The following KCNJ15 variants were observed in gnomAD, a reference collection of about 807,000 sequenced individuals.
KCNJ15 encodes the protein ATP-sensitive inward rectifier potassium channel 15.
Under a neutral mutation model 23.0 loss-of-function variants are expected in KCNJ15, and 14 were observed. That is an observed-to-expected ratio of 0.61 (90% CI 0.40 to 0.95). KCNJ15 has a LOEUF of 0.95. KCNJ15 is among the 40% of genes least tolerant of loss of function. KCNJ15 has a pLI of 0.00. For missense variants in KCNJ15, 388 were observed against 461.8 expected (o/e 0.84, Z 1.46); for synonymous variants, 185 against 183.2 (o/e 1.01, Z -0.08).
chr21:38,283,156 A>ATTTCC (rs1983534502), intron 1 of KCNJ15, among the ~76,000 whole-genome samples: 1 of 151,808 alleles, frequency 6.6e-6, no homozygotes, highest in Admixed American at 6.5e-5. Context: ...CTCTGAGAGT[A>ATTTCC]AATGATTTCA....
intron 1 of KCNJ15, among the ~76,000 whole-genome samples, chr21:38,239,221 T>G (rs1452544095): frequency 6.6e-6 from 1 of 152,218 alleles, no homozygotes; most frequent in African/African-American, 2.4e-5. Flanking sequence ...CAACCAGAAA[T>G]CTCTTTGATT....
chr21:38,243,246 T>C (rs1425802382), intron 1 of KCNJ15, among the ~76,000 whole-genome samples: 1 of 152,214 alleles, frequency 6.6e-6, no homozygotes, highest in Admixed American at 6.5e-5. Flanking sequence ...CATCTGTTTA[T>C]TTCCTGAAAT....
At chr21:38,230,040 C>T (rs1250025736) in intron 1 of KCNJ15, among the ~76,000 whole-genome samples, 2 of 152,070 alleles carry the variant, frequency 1.3e-5, no homozygotes, top group Non-Finnish European at 2.9e-5. Context: ...TTTTATTTCT[C>T]TTGGGTATAT....
chr21:38,281,570 G>C (rs1374621977), intron 1 of KCNJ15, among the ~76,000 whole-genome samples: 1 of 152,202 alleles, frequency 6.6e-6, no homozygotes, highest in Non-Finnish European at 1.5e-5. Flanking sequence ...ATGGTCTCCA[G>C]CTCCATCCAT....
At chr21:38,266,911 G>C (rs1026961361) in intron 1 of KCNJ15, among the ~76,000 whole-genome samples, 3 of 152,234 alleles carry the variant, frequency 2.0e-5, no homozygotes, top group African/African-American at 7.2e-5. Context: ...GCTGCAGGAG[G>C]TGGGAGTTAA....
At chr21:38,246,200 C>T (rs1222398741) in intron 1 of KCNJ15, among the ~76,000 whole-genome samples, 4 of 152,282 alleles carry the variant, frequency 2.6e-5, no homozygotes, top group South Asian at 2.1e-4. Context: ...AGAGCTAAAA[C>T]GAATCATGTA....
intron 1 of KCNJ15, among the ~76,000 whole-genome samples, chr21:38,244,366 A>G (rs1979223351): frequency 6.6e-6 from 1 of 152,150 alleles, no homozygotes; most frequent in Non-Finnish European, 1.5e-5. Context: ...TTCAAGCTCT[A>G]AAAATACCAG....
chr21:38,260,507 T>A (rs536362480), intron 1 of KCNJ15, among the ~76,000 whole-genome samples: 2 of 152,208 alleles, frequency 1.3e-5, no homozygotes, highest in Non-Finnish European at 2.9e-5. Context: ...CCAATTTGAA[T>A]CCAGAAGTTC....
chr21:38,247,050 ATGGGTG>A (rs1979423092), intron 1 of KCNJ15, among the ~76,000 whole-genome samples: 1 of 151,350 alleles, frequency 6.6e-6, no homozygotes. Context: ...GGATGGATGG[ATGGGTG>A]AATGGATGGA....
chr21:38,258,061 C>T (rs187173649), intron 1 of KCNJ15, among the ~76,000 whole-genome samples: 3 of 151,738 alleles, frequency 2.0e-5, no homozygotes, highest in Admixed American at 1.3e-4. Context: ...TCCCCTTTAC[C>T]TGTAAGAGGG....
intron 1 of KCNJ15, among the ~76,000 whole-genome samples, chr21:38,275,047 A>T (rs892537283): frequency 6.6e-5 from 10 of 152,050 alleles, no homozygotes; most frequent in Non-Finnish European, 1.5e-4. Context: ...TCTGCTTTTC[A>T]TCCAAATCTT....
rs577740399 is a variant in KCNJ15 at position 38,279,995 on chromosome 21, G to A, written c.-116-16931G>A. Among the ~76,000 whole-genome samples, 1,036 of 152,236 alleles carry A rather than the reference G, an allele frequency of 6.8e-3. 6 individuals are homozygous for A. Among genetic ancestry groups the A allele is most frequent in the Non-Finnish European group, 0.011 (770 of 68,010 alleles). On this transcript the variant is annotated intron_variant, in intron 1 of 2. Coordinates refer to ENST00000398938, the MANE Select transcript of KCNJ15 (RefSeq NM_170736.3). ...ATCCAAGGAAGACCACTGGGAATTG[G>A]CCAACTAGGTTTAAACTGGGGAACA...
chr21:38,261,035 C>T (rs1024039699), intron 1 of KCNJ15, among the ~76,000 whole-genome samples: 4 of 152,066 alleles, frequency 2.6e-5, no homozygotes, highest in Admixed American at 2.0e-4. Context: ...TCAGAGTCAC[C>T]GCTGGGCCAT....
At chr21:38,249,546 G>A (rs1011053339) in intron 1 of KCNJ15, among the ~76,000 whole-genome samples, 1 of 152,184 alleles carries the variant, frequency 6.6e-6, no homozygotes, top group Non-Finnish European at 1.5e-5. Context: ...ATGCATGGAG[G>A]TGAAACAACT....
chr21:38,286,801 G>A (rs1334568023), intron 1 of KCNJ15, among the ~76,000 whole-genome samples: 1 of 152,198 alleles, frequency 6.6e-6, no homozygotes, highest in Non-Finnish European at 1.5e-5. Flanking sequence ...GAGGAGAAAA[G>A]AACAGCAGTT....
At chr21:38,286,901 G>A (rs1471034498) in intron 1 of KCNJ15, among the ~76,000 whole-genome samples, 1 of 152,186 alleles carries the variant, frequency 6.6e-6, no homozygotes, top group African/African-American at 2.4e-5. Flanking sequence ...TGTCATAGTG[G>A]AAATCACAGA....
At chr21:38,288,038 T>G (rs1320826790) in intron 1 of KCNJ15, among the ~76,000 whole-genome samples, 24 of 79,550 alleles carry the variant, frequency 3.0e-4, no homozygotes, top group African/African-American at 1.1e-3. Flanking sequence ...TTGTTTTTTT[T>G]TTTTTTTTTT....
At chr21:38,272,195 C>G (rs1040883487) in intron 1 of KCNJ15, 1 of 152,160 alleles carries the variant, frequency 6.6e-6, no homozygotes, top group Non-Finnish European at 1.5e-5. Context: ...TGTCAAATAG[C>G]TTTTAAGAAA....
chr21:38,272,119 T>C (rs1444541084), intron 1 of KCNJ15: 1 of 152,216 alleles, frequency 6.6e-6, no homozygotes, highest in Admixed American at 6.5e-5. Flanking sequence ...CTCTGAAGAA[T>C]TAAAAAACTT....
Sources: allele counts gnomAD v4.1 joint callset (sites outside exome capture counted in the v4.1 genomes callset), GRCh38; gene constraint gnomAD v4.1.1; transcripts MANE v1.5; gene names NCBI Gene and HGNC (gene_info 2026-07-23, HGNC 2026-07-21).